TSPAN9: variants seen among roughly 807,000 people sequenced by gnomAD.
The protein encoded by TSPAN9 is tetraspanin 9, also known as tetraspanin-9.
TSPAN9 carries 16 observed loss-of-function variants against 31.0 expected under a neutral mutation model. The observed-to-expected ratio is 0.52, with a 90% CI of 0.35 to 0.78. TSPAN9 has a LOEUF of 0.78. Ranked by LOEUF, TSPAN9 falls within the 30% of genes least tolerant of loss-of-function variation. TSPAN9 has a pLI of 0.01. For synonymous variants in TSPAN9, 145 were observed against 121.6 expected, an observed-to-expected ratio of 1.19 and a Z score of -1.27; for missense variants, 272 against 312.5, an observed-to-expected ratio of 0.87 and a Z score of 0.98.
chr12:3,185,686 G>T (rs1329172295), intron 2 of TSPAN9, among the ~76,000 whole-genome samples: 1 of 152,242 alleles, frequency 6.6e-6, no homozygotes, highest in African/African-American at 2.4e-5. Context: ...TGAGCTGGCC[G>T]CTGGGCATGT....
At chr12:3,267,480 C>T (rs1182996788) in intron 3 of TSPAN9, among the ~76,000 whole-genome samples, 1 of 152,170 alleles carries the variant, frequency 6.6e-6, no homozygotes, top group Non-Finnish European at 1.5e-5. Context: ...CTGGGCTGCC[C>T]ATGGTTCTGC....
At chr12:3,094,570 C>T (rs1185184586) in intron 2 of TSPAN9, among the ~76,000 whole-genome samples, 1 of 143,690 alleles carries the variant, frequency 7.0e-6, no homozygotes. Context: ...GAGTTTTGCT[C>T]TTGTTGTCCA....
chr12:3,226,738 GTGTGTGTA>G (rs2098387619), intron 3 of TSPAN9, among the ~76,000 whole-genome samples: 5 of 10,592 alleles, frequency 4.7e-4, no homozygotes, highest in Admixed American at 2.0e-3. Flanking sequence ...GTGTGTGTGT[GTGTGTGTA>G]TATATATATA....
chr12:3,178,988 G>A (rs1021084488), intron 2 of TSPAN9, among the ~76,000 whole-genome samples: 16 of 152,196 alleles, frequency 1.1e-4, no homozygotes, highest in Admixed American at 7.8e-4. Context: ...CTCCTGGGAG[G>A]GCGGAGGAAT....
intron 2 of TSPAN9, among the ~76,000 whole-genome samples, chr12:3,098,638 T>C (rs1295034313): frequency 6.6e-6 from 1 of 152,234 alleles, no homozygotes; most frequent in East Asian, 1.9e-4. Flanking sequence ...GCCAAATTAC[T>C]TGTAGCTCTT....
rs188584481 is a variant in TSPAN9, at chr12:3,189,482, G to T, written c.-17-11695G>T. Among the ~76,000 whole-genome samples the T allele has an allele frequency of 4.2e-4, 64 of 152,332 alleles. No homozygotes were observed. In the East Asian group the frequency reaches 0.012, roughly 28 times the overall value. ...GTGGCAGGGTGACTACAGAGGGAGA[G>T]GGTGCAGGGAGCCTGGTCAGGAGAC... On this transcript the variant is annotated intron_variant, in intron 2 of 8. Transcript: ENST00000011898.
intron 3 of TSPAN9, among the ~76,000 whole-genome samples, chr12:3,240,194 G>T (rs897978993): frequency 1.3e-5 from 2 of 151,942 alleles, no homozygotes; most frequent in Non-Finnish European, 2.9e-5. Flanking sequence ...TTTAAAGCAG[G>T]TCCCAGACAT....
intron 2 of TSPAN9, among the ~76,000 whole-genome samples, chr12:3,198,998 G>T (rs1475846126): frequency 6.6e-6 from 1 of 152,222 alleles, no homozygotes; most frequent in African/African-American, 2.4e-5. Flanking sequence ...CTCTGTGTCT[G>T]CCCATTTGTG....
chr12:3,257,951 G>A (rs977805372), intron 3 of TSPAN9, among the ~76,000 whole-genome samples: 16 of 152,164 alleles, frequency 1.1e-4, no homozygotes, highest in Admixed American at 9.2e-4. Context: ...TGTGGCCTGA[G>A]CAAAGCCATG....
intron 2 of TSPAN9, among the ~76,000 whole-genome samples, chr12:3,127,359 A>T (rs893795238): frequency 1.7e-4 from 26 of 148,852 alleles, no homozygotes; most frequent in African/African-American, 3.9e-4. Flanking sequence ...TTTAAAGAAA[A>T]ATTTTTTTTT....
At chr12:3,250,043 C>T (rs1279171046) in intron 3 of TSPAN9, among the ~76,000 whole-genome samples, 1 of 152,152 alleles carries the variant, frequency 6.6e-6, no homozygotes, top group Non-Finnish European at 1.5e-5. Context: ...GGTCAGCAGT[C>T]CACCCATCGG....
intron 2 of TSPAN9, among the ~76,000 whole-genome samples, chr12:3,105,430 T>TA (rs2098313826): frequency 1.7e-5 from 2 of 117,572 alleles, no homozygotes; most frequent in Non-Finnish European, 1.8e-5. Flanking sequence ...TTTCCTTGTC[T>TA]TAAAAAAAAA....
chr12:3,121,352 C>CTTTT (rs59198394), intron 2 of TSPAN9, among the ~76,000 whole-genome samples: 2 of 108,288 alleles, frequency 1.8e-5, no homozygotes, highest in Non-Finnish European at 3.7e-5. Context: ...GGGATGTTGG[C>CTTTT]TTTTTTTTTT....
chr12:3,281,803 A>C lies in TSPAN9; in HGVS notation c.634A>C (p.Ile212Leu). ...KHVLGTVGMC[I>L]LIMQILGMAF... is the part of the protein sequence containing the mutation. ...CGTGCTGGGCACGGTGGGGATGTGC[A>C]TCCTCATCATGCAGGTAAGAGGGGC... The change falls in exon 8 of 9, where the codon ATC becomes CTC. Residue 212 changes from isoleucine (I) to leucine (L), a missense_variant. Physicochemically the swap from Ile to Leu is conservative, Grantham distance 5. Transcript: ENST00000011898. The C allele has an allele frequency of 6.2e-7, 1 of 1,614,126 alleles. No homozygotes were observed. The highest frequency in any genetic ancestry group is 1.3e-5 in the African/African-American group (1 of 75,036).
rs1031598729 is a variant in TSPAN9 at position 3,212,096 on chromosome 12, C to T, written c.63+10840C>T. Among the ~76,000 whole-genome samples the T allele has an allele frequency of 7.9e-5, 12 of 152,276 alleles. No homozygotes were observed. In the East Asian group the frequency reaches 1.9e-3, roughly 25 times the overall value. On this transcript the variant is annotated intron_variant, in intron 3 of 8. Coordinates refer to ENST00000011898, the MANE Select transcript of TSPAN9 (RefSeq NM_006675.5). ...AAGCAATTCTTATGCCTCAGCCTCC[C>T]GAGTAGCTGGGATTACAGGTGTGTG...
chr12:3,226,718 ATGTGTGTGTGTGTGTGTG>A (rs60390468), intron 3 of TSPAN9, among the ~76,000 whole-genome samples: 5 of 15,320 alleles, frequency 3.3e-4, no homozygotes, highest in Admixed American at 1.3e-3. Context: ...ATGTGTATGT[ATGTGTGTGTGTGTGTGTG>A]TGTGTGTGTA....
At chr12:3,260,853 G>A (rs964248697) in intron 3 of TSPAN9, among the ~76,000 whole-genome samples, 2 of 152,162 alleles carry the variant, frequency 1.3e-5, no homozygotes, top group Non-Finnish European at 2.9e-5. Flanking sequence ...CCCAAAGACA[G>A]GGGGTGTGTT....
intron 3 of TSPAN9, among the ~76,000 whole-genome samples, chr12:3,276,707 C>T (rs1158331012): frequency 1.3e-5 from 2 of 152,204 alleles, no homozygotes. Context: ...TTGTTGCTTA[C>T]ATAAGGTCAG....
chr12:3,086,833 C>T (rs2098300758), intron 2 of TSPAN9, among the ~76,000 whole-genome samples: 1 of 152,214 alleles, frequency 6.6e-6, no homozygotes, highest in Admixed American at 6.5e-5. Context: ...GAACAAGGTC[C>T]AACTGTGTCT....
Sources: gnomAD v4.1 joint callset for allele counts (sites outside exome capture counted in the v4.1 genomes callset) on GRCh38, gnomAD v4.1.1 for gene constraint, MANE v1.5 for transcripts, NCBI Gene and HGNC (gene_info 2026-07-23, HGNC 2026-07-21) for gene names.